The following CNTNAP5 variants were observed in gnomAD, a reference collection of about 807,000 sequenced individuals.
CNTNAP5 encodes contactin-associated protein-like 5.
Under a neutral mutation model 150.2 loss-of-function variants are expected in CNTNAP5, and 72 were observed. That is an observed-to-expected ratio of 0.48 (90% CI 0.40 to 0.58). The LOEUF (loss-of-function observed/expected upper bound fraction) is 0.58. Ranked by LOEUF, CNTNAP5 falls within the 20% of genes least tolerant of loss-of-function variation. The pLI, the probability that CNTNAP5 is intolerant of heterozygous loss-of-function variation, is 0.00. For synonymous variants in CNTNAP5, 672 were observed against 619.8 expected (o/e 1.08, Z -1.25); for missense variants, 1,636 against 1,626.2 (o/e 1.01, Z -0.10).
intron 7 of CNTNAP5, among the ~76,000 whole-genome samples, chr2:124,494,394 TA>T (rs1434655693): frequency 9.2e-5 from 14 of 152,194 alleles, no homozygotes; most frequent in Middle Eastern, 3.4e-3. Context: ...CTCCTGCAGA[TA>T]GATGAACATG....
chr2:124,191,978 G>T (rs549572412), intron 1 of CNTNAP5, among the ~76,000 whole-genome samples: 4 of 152,012 alleles, frequency 2.6e-5, no homozygotes, highest in Non-Finnish European at 4.4e-5. Context: ...CTGCAGTCTC[G>T]TGTCTCCTTA....
At chr2:124,384,575 A>G (rs573847036) in intron 3 of CNTNAP5, among the ~76,000 whole-genome samples, 7 of 152,336 alleles carry the variant, frequency 4.6e-5, no homozygotes, top group Admixed American at 6.5e-5. Flanking sequence ...TTCATTTTAA[A>G]GATAAGGAAA....
chr2:124,340,698 C>A (rs760650558), intron 3 of CNTNAP5, among the ~76,000 whole-genome samples: 22 of 151,392 alleles, frequency 1.5e-4, no homozygotes, highest in Non-Finnish European at 2.4e-4. Flanking sequence ...ATGGGACGAC[C>A]CCTTGAGACC....
intron 1 of CNTNAP5, among the ~76,000 whole-genome samples, chr2:124,029,673 G>T: frequency 6.6e-6 from 1 of 151,150 alleles, no homozygotes; most frequent in Admixed American, 6.6e-5. Context: ...TTGTTCCTCT[G>T]CCCAATTTCA....
intron 13 of CNTNAP5, among the ~76,000 whole-genome samples, chr2:124,692,678 C>T (rs964337906): frequency 6.6e-6 from 1 of 152,034 alleles, no homozygotes; most frequent in African/African-American, 2.4e-5. Flanking sequence ...ATTTTTTCTC[C>T]CCCTTTCTTA....
At chr2:124,810,446 G>A (rs1038671317) in intron 19 of CNTNAP5, among the ~76,000 whole-genome samples, 1 of 152,126 alleles carries the variant, frequency 6.6e-6, no homozygotes, top group African/African-American at 2.4e-5. Flanking sequence ...GGAGGGCAGG[G>A]GGAAAGGGTA....
intron 5 of CNTNAP5, among the ~76,000 whole-genome samples, chr2:124,443,498 A>G (rs1692726462): frequency 2.0e-5 from 3 of 152,010 alleles, no homozygotes; most frequent in South Asian, 2.1e-4. Flanking sequence ...CATACACCTA[A>G]TATTTTTCTG....
intron 3 of CNTNAP5, among the ~76,000 whole-genome samples, chr2:124,301,092 C>A (rs1688559074): frequency 6.6e-6 from 1 of 152,158 alleles, no homozygotes; most frequent in African/African-American, 2.4e-5. Flanking sequence ...TGTGATTTAG[C>A]AGTTTTGGGA....
chr2:124,429,756 T>A (rs1257046133), intron 4 of CNTNAP5, among the ~76,000 whole-genome samples: 1 of 152,142 alleles, frequency 6.6e-6, no homozygotes, highest in Non-Finnish European at 1.5e-5. Context: ...GGATCACAGC[T>A]CCAGTGGCTG....
chr2:124,670,484 A>C (rs1227055809), intron 13 of CNTNAP5, among the ~76,000 whole-genome samples: 1 of 152,154 alleles, frequency 6.6e-6, no homozygotes, highest in Non-Finnish European at 1.5e-5. Context: ...TATCAAACAT[A>C]TGACTGCAAA....
rs529170940 is a variant in CNTNAP5, at chr2:124,294,620, A to G, written c.381+52227A>G. On this transcript the variant is annotated intron_variant, in intron 3 of 23. Coordinates refer to ENST00000682447, the MANE Select transcript of CNTNAP5 (RefSeq NM_001367498.1). ...GAATAAGGATGAGATGGGTACAAGA[A>G]GGGAATGTAGAGGTATTTGGAGGCT... is the stretch of plus-strand genomic sequence containing the variant. Among the ~76,000 whole-genome samples, 3 of 152,334 alleles carry G rather than the reference A, an allele frequency of 2.0e-5. No homozygotes were observed. The South Asian group carries it at 6.2e-4, about 32-fold the overall frequency.
intron 1 of CNTNAP5, among the ~76,000 whole-genome samples, chr2:124,168,511 G>C (rs1684858006): frequency 1.3e-5 from 2 of 152,188 alleles, no homozygotes; most frequent in East Asian, 1.9e-4. Context: ...TGTTAAGAAA[G>C]AGTTGGAGCA....
intron 3 of CNTNAP5, among the ~76,000 whole-genome samples, chr2:124,372,503 T>A (rs971302410): frequency 2.0e-5 from 3 of 152,086 alleles, no homozygotes; most frequent in African/African-American, 7.2e-5. Context: ...CTGTTGAAGG[T>A]ATATAATTGT....
At chr2:124,643,441 G>T (rs1167938059) in intron 12 of CNTNAP5, among the ~76,000 whole-genome samples, 1 of 152,090 alleles carries the variant, frequency 6.6e-6, no homozygotes, top group Non-Finnish European at 1.5e-5. Context: ...TTCAGGAAAT[G>T]CAAAGGACAC....
intron 3 of CNTNAP5, among the ~76,000 whole-genome samples, chr2:124,404,214 C>T (rs79611938): frequency 0.12 from 18,341 of 152,202 alleles, 1,453 homozygotes; most frequent in Non-Finnish European, 0.18. Context: ...TGAAAATTCC[C>T]GACATCCCCT....
chr2:124,075,678 G>A (rs1322897770), intron 1 of CNTNAP5, among the ~76,000 whole-genome samples: 2 of 152,000 alleles, frequency 1.3e-5, no homozygotes, highest in Non-Finnish European at 2.9e-5. Flanking sequence ...TTACCACCGG[G>A]AGAGAAGGAA....
chr2:124,454,683 G>T (rs947451588), intron 6 of CNTNAP5, among the ~76,000 whole-genome samples: 1 of 152,038 alleles, frequency 6.6e-6, no homozygotes, highest in Non-Finnish European at 1.5e-5. Flanking sequence ...CTGAAATTAT[G>T]TCAAGCACTT....
At chr2:124,536,727 A>C (rs1477078126) in intron 10 of CNTNAP5, among the ~76,000 whole-genome samples, 1 of 152,114 alleles carries the variant, frequency 6.6e-6, no homozygotes, top group African/African-American at 2.4e-5. Flanking sequence ...CTACAGAGGA[A>C]GCAGCACTTC....
chr2:124,233,700 C>A (rs1234451089), intron 2 of CNTNAP5, among the ~76,000 whole-genome samples: 1 of 151,512 alleles, frequency 6.6e-6, no homozygotes, highest in Non-Finnish European at 1.5e-5. Context: ...TCTTTCTCTC[C>A]TTTCTCTCTC....
Sources: gnomAD v4.1 joint callset for allele counts (sites outside exome capture counted in the v4.1 genomes callset) on GRCh38, gnomAD v4.1.1 for gene constraint, MANE v1.5 for transcripts, NCBI Gene and HGNC (gene_info 2026-07-23, HGNC 2026-07-21) for gene names.